SLC30A7: variants seen among roughly 807,000 people sequenced by gnomAD.
SLC30A7 encodes solute carrier family 30 member 7.
A neutral mutation model predicts 46.0 loss-of-function variants in SLC30A7; 35 were observed. The observed-to-expected ratio is 0.76, with a 90% confidence interval of 0.58 to 1.01. The LOEUF (loss-of-function observed/expected upper bound fraction) is 1.01. SLC30A7 is among the 50% of genes least tolerant of loss of function. The pLI is 0.00. For synonymous variants in SLC30A7, 147 were observed against 157.8 expected (o/e 0.93, Z 0.51); for missense variants, 464 against 451.1 (o/e 1.03, Z -0.26).
At chr1:100,961,215 C>CTGTGGGGA (rs1401834518) in intron 8 of SLC30A7, among the ~76,000 whole-genome samples, 1 of 152,002 alleles carries the variant, frequency 6.6e-6, no homozygotes, top group Non-Finnish European at 1.5e-5. Context: ...CCCGCCTTGG[C>CTGTGGGGA]TTCCCAAAGT....
In SLC30A7 at chr1:100,977,367, A is replaced by G. The variant is rs1333420363; in HGVS notation, c.*2510A>G. 6.6e-6 allele frequency: 1 copy of G among 152,236 alleles called. No homozygotes were observed. Among genetic ancestry groups the G allele is most frequent in the African/African-American group, 2.4e-5 (1 of 41,464 alleles). 9.4% of individuals were successfully genotyped at this position (152,236 alleles called of 1,614,324 possible). ...AGCGCATATCATTTAGCAAGTTGGC[A>G]TTAACATTTATGCTTTAATTAAATG... On this transcript the variant is annotated 3_prime_UTR_variant, in exon 11 of 11. Coordinates refer to ENST00000357650, the MANE Select transcript of SLC30A7 (RefSeq NM_133496.5).
Position 100,902,646 on chromosome 1 carries a change from C to G in SLC30A7, c.183-4206C>G, listed in dbSNP as rs188281728. 3.3e-3 allele frequency among the ~76,000 whole-genome samples: 496 copies of G among 152,268 alleles called. 2 individuals carry two copies. The highest frequency in any genetic ancestry group is 0.01 in the Middle Eastern group (3 of 294). On this transcript the variant is annotated intron_variant, in intron 2 of 10. Coordinates refer to ENST00000357650, the MANE Select transcript of SLC30A7 (RefSeq NM_133496.5). ...AGGAAGAATCTGTTCCATGATCTTTCTGTAGCTTCAGTTGGTTTTCTAGTA... is the reference window on the plus strand; with the variant it reads ...AGGAAGAATCTGTTCCATGATCTTTGTGTAGCTTCAGTTGGTTTTCTAGTA...
chr1:100,961,878 C>T lies in SLC30A7; in HGVS notation c.893C>T (p.Pro298Leu), dbSNP rs1248862410. The change falls in exon 9 of 11, where the codon CCT (proline) becomes CTT (leucine). Residue 298 changes from proline (P) to leucine (L), a missense_variant. Coordinates refer to ENST00000357650, the MANE Select transcript of SLC30A7 (RefSeq NM_133496.5). ...GTTGGAATATTAATGCAGAGAACTCCTCCCCTATTAGAAAATAGTCTGCCT... is the reference window on the plus strand; with the variant it reads ...GTTGGAATATTAATGCAGAGAACTCTTCCCCTATTAGAAAATAGTCTGCCT... ...ESVGILMQRT[P>L]PLLENSLPQC... The T allele has an allele frequency of 3.7e-6, 6 of 1,608,038 alleles. No homozygotes were observed. Among genetic ancestry groups the T allele is most frequent in the Non-Finnish European group, 5.1e-6 (6 of 1,176,280 alleles).
intron 8 of SLC30A7, among the ~76,000 whole-genome samples, chr1:100,935,066 C>T (rs562618898): frequency 6.6e-6 from 1 of 152,314 alleles, no homozygotes; most frequent in South Asian, 2.1e-4. Context: ...AAGCTTCAAA[C>T]TATTTGTGTT....
At chr1:100,973,471 A>G (rs568961581) in intron 10 of SLC30A7, among the ~76,000 whole-genome samples, 1 of 152,280 alleles carries the variant, frequency 6.6e-6, no homozygotes, top group Admixed American at 6.5e-5. Context: ...TTGATCACTT[A>G]CTGTGTGCTG....
chr1:100,969,100 T>G (rs926508867), intron 10 of SLC30A7, among the ~76,000 whole-genome samples: 6 of 152,226 alleles, frequency 3.9e-5, no homozygotes, highest in African/African-American at 1.4e-4. Context: ...AATCAAGACA[T>G]ACACTACTAC....
the SLC30A7 span, chr1:100,995,585 T>TG: frequency 6.4e-6 from 1 of 157,208 alleles, no homozygotes; most frequent in Non-Finnish European, 1.4e-5. Context: ...TGTTAACACA[T>TG]GCCATAATTT....
chr1:100,936,035 A>C (rs1653940021), intron 8 of SLC30A7, among the ~76,000 whole-genome samples: 1 of 152,158 alleles, frequency 6.6e-6, no homozygotes, highest in Non-Finnish European at 1.5e-5. Flanking sequence ...GGTTTTATTA[A>C]AGGCTTACCA....
Position 100,909,175 on chromosome 1 carries a change from G to T in SLC30A7, c.297-1888G>T, listed in dbSNP as rs146075550. ...CTTCATTTGTAAACTACTGGTGTCA[G>T]TGAATCAAAATGACACTGATTAATT... On this transcript the variant is annotated intron_variant, in intron 3 of 10. Transcript: ENST00000357650. Among the ~76,000 whole-genome samples, 727 of 152,196 alleles carry T rather than the reference G, an allele frequency of 4.8e-3. 3 individuals carry two copies. Among genetic ancestry groups the T allele is most frequent in the Non-Finnish European group, 6.3e-3 (426 of 67,970 alleles).
intron 6 of SLC30A7, 130 bp downstream of exon 6, chr1:100,913,936 G>A: frequency 1.5e-6 from 2 of 1,301,050 alleles, no homozygotes; most frequent in Non-Finnish European, 2.1e-6. Flanking sequence ...CAGTCTAAAT[G>A]GTTCCCAGGG....
intron 2 of SLC30A7, among the ~76,000 whole-genome samples, chr1:100,899,646 G>A (rs1651175744): frequency 6.6e-6 from 1 of 152,012 alleles, no homozygotes; most frequent in African/African-American, 2.4e-5. Flanking sequence ...TTGAGCCACC[G>A]CCCCACAGCC....
the SLC30A7 span, among the ~76,000 whole-genome samples, chr1:100,993,974 C>T: frequency 6.6e-6 from 1 of 151,980 alleles, no homozygotes; most frequent in African/African-American, 2.4e-5. Flanking sequence ...GAACTGCTGA[C>T]CTCGTGATCC....
rs1044822000 is a variant in SLC30A7 at position 100,975,607 on chromosome 1, A to G, written c.*750A>G. Reference sequence around the variant, plus strand: ...CAGTGGCATAATCTCAGCTCACTGCAACCTCTGCTTCCCGGGTTCAAGCTA... The same window carrying G: ...CAGTGGCATAATCTCAGCTCACTGCGACCTCTGCTTCCCGGGTTCAAGCTA... On this transcript the variant is annotated 3_prime_UTR_variant, in exon 11 of 11. Coordinates refer to ENST00000357650, the MANE Select transcript of SLC30A7 (RefSeq NM_133496.5). 6.6e-6 allele frequency: 1 copy of G among 152,388 alleles called. No individual in the cohort carries two copies. Among genetic ancestry groups the G allele is most frequent in the African/African-American group, 2.4e-5 (1 of 41,428 alleles). The allele number at this position is 152,388 out of a possible 1,614,324, so 9.4% of individuals were successfully genotyped here.
At chr1:100,897,909 T>C (rs1163806209) in intron 2 of SLC30A7, among the ~76,000 whole-genome samples, 1 of 152,204 alleles carries the variant, frequency 6.6e-6, no homozygotes, top group Non-Finnish European at 1.5e-5. Flanking sequence ...AATTTTTTAA[T>C]CCCATAGTAT....
rs770546458 is a variant in SLC30A7, at chr1:100,911,148, G to A, written c.382G>A (p.Glu128Lys). 4.4e-6 allele frequency: 7 copies of A among 1,593,384 alleles called. No individual in the cohort carries two copies. The highest frequency in any genetic ancestry group is 6.0e-6 in the Non-Finnish European group (7 of 1,163,844). The change falls in exon 4 of 11, where the codon GAG becomes AAG. Residue 128 changes from glutamate to lysine, a missense_variant and splice_region_variant. Glu to Lys is a moderately conservative substitution (Grantham distance 56). Coordinates refer to ENST00000357650, the MANE Select transcript of SLC30A7 (RefSeq NM_133496.5). ...TTTTTTTATTTTCTCAGAAGGAGTT[G>A]AGGTATAGTAGATAATTATTAAAGT... ...TAFFIFSEGV[E>K]RALAPPDVHH...
Position 100,900,827 on chromosome 1 carries a change from C to T in SLC30A7, c.182+4156C>T, listed in dbSNP as rs537416620. ...CTGAATTATGATGATTCCTTATTTT[C>T]AATTTTGAACACGTTTAACAAACAA... On this transcript the variant is annotated intron_variant, in intron 2 of 10. Transcript: ENST00000357650. 3.3e-5 allele frequency among the ~76,000 whole-genome samples: 5 copies of T among 152,226 alleles called. No individual in the cohort carries two copies. In the South Asian group the frequency reaches 1.0e-3, roughly 32 times the overall value.
In SLC30A7 at chr1:100,902,907, A is replaced by G. The variant is rs143135257; in HGVS notation, c.183-3945A>G. Among the ~76,000 whole-genome samples the G allele has an allele frequency of 2.4e-3, 361 of 152,312 alleles. 1 individual carries two copies. The highest frequency in any genetic ancestry group is 4.4e-3 in the Non-Finnish European group (302 of 68,004). ...ATATGAATTTGGGCGCAGGAACACA[A>G]TTCAACCCATGACAGTGTTTTACTA... On this transcript the variant is annotated intron_variant, in intron 2 of 10. Transcript: ENST00000357650.
At chr1:100,971,379 A>G (rs370823878) in intron 10 of SLC30A7, among the ~76,000 whole-genome samples, 1 of 152,074 alleles carries the variant, frequency 6.6e-6, no homozygotes, top group East Asian at 1.9e-4. Context: ...CCTGCTCTGC[A>G]GTTTTTCCTT....
chr1:100,964,117 G>A (rs1452841351), intron 9 of SLC30A7, among the ~76,000 whole-genome samples: 1 of 151,946 alleles, frequency 6.6e-6, no homozygotes, highest in African/African-American at 2.4e-5. Flanking sequence ...GAGGAAAAAG[G>A]AGAAGGTATA....
Sources: gnomAD v4.1 joint callset for allele counts (sites outside exome capture counted in the v4.1 genomes callset) on GRCh38, gnomAD v4.1.1 for gene constraint, MANE v1.5 for transcripts, NCBI Gene and HGNC (gene_info 2026-07-23, HGNC 2026-07-21) for gene names.